NEGR1: variants seen among roughly 807,000 people sequenced by gnomAD.
NEGR1 encodes the protein IgLON family member 4.
A neutral mutation model predicts 40.9 loss-of-function variants in NEGR1; 10 were observed. The observed-to-expected ratio is 0.24, with a 90% CI of 0.15 to 0.42. NEGR1 has a LOEUF of 0.42. NEGR1 is among the 10% of genes least tolerant of loss of function. The probability of loss-of-function intolerance (pLI) is 1.00; values close to 1 mark genes in which losing one functional copy is unlikely to be tolerated. For synonymous variants in NEGR1, 185 were observed against 166.8 expected (o/e 1.11, Z -0.84); for missense variants, 352 against 438.9 (o/e 0.80, Z 1.77).
chr1:71,636,669 A>G (rs904825257), intron 4 of NEGR1, among the ~76,000 whole-genome samples: 1 of 152,120 alleles, frequency 6.6e-6, no homozygotes, highest in African/African-American at 2.4e-5. Context: ...TTTGTATTCA[A>G]TTTTAAGAAA....
intron 6 of NEGR1, among the ~76,000 whole-genome samples, chr1:71,504,324 A>C (rs774449992): frequency 2.0e-5 from 3 of 152,042 alleles, no homozygotes; most frequent in Non-Finnish European, 4.4e-5. Flanking sequence ...AAGCAGAAAC[A>C]AAAAGCAAAA....
intron 6 of NEGR1, among the ~76,000 whole-genome samples, chr1:71,541,591 A>AAGTTTCACTTCATGC (rs1570006591): frequency 6.6e-6 from 1 of 151,926 alleles, no homozygotes; most frequent in East Asian, 2.0e-4. Flanking sequence ...GCATTAAATG[A>AAGTTTCACTTCATGC]AGTTTCACTT....
intron 3 of NEGR1, among the ~76,000 whole-genome samples, chr1:71,733,460 T>A (rs868796845): frequency 8.1e-4 from 123 of 152,350 alleles, no homozygotes; most frequent in African/African-American, 2.9e-3. Context: ...GTTTACTCTG[T>A]TCCAAATATT....
intron 1 of NEGR1, among the ~76,000 whole-genome samples, chr1:71,993,638 A>G (rs1435844451): frequency 6.6e-6 from 1 of 152,208 alleles, no homozygotes; most frequent in Admixed American, 6.5e-5. Flanking sequence ...GATAATAGCT[A>G]TCCAGGAGAT....
At chr1:71,658,603 C>A (rs1243237596) in intron 4 of NEGR1, among the ~76,000 whole-genome samples, 1 of 151,928 alleles carries the variant, frequency 6.6e-6, no homozygotes, top group Admixed American at 6.6e-5. Context: ...CTGGGTGGGA[C>A]ATTTTTAACA....
chr1:72,217,777 G>A lies in NEGR1; in HGVS notation c.176+64542C>T, dbSNP rs539575388. 2.0e-4 allele frequency among the ~76,000 whole-genome samples: 30 copies of A among 151,798 alleles called. 1 individual carries two copies. The East Asian group carries it at 5.4e-3, about 28-fold the overall frequency. On this transcript the variant is annotated intron_variant, in intron 1 of 6. Transcript: ENST00000357731. ...AATGACTTGTGGATAAGATAAAGTAGTTATAAAACTTTTATGATTTGATAA... is the reference window on the plus strand; with the variant it reads ...AATGACTTGTGGATAAGATAAAGTAATTATAAAACTTTTATGATTTGATAA...
intron 6 of NEGR1, among the ~76,000 whole-genome samples, chr1:71,410,035 C>G (rs1646305350): frequency 6.6e-6 from 1 of 152,060 alleles, no homozygotes; most frequent in South Asian, 2.1e-4. Flanking sequence ...TCTTCTTCCA[C>G]TCAGCCTCCT....
chr1:72,124,525 T>C (rs553983735), intron 1 of NEGR1, among the ~76,000 whole-genome samples: 24 of 152,232 alleles, frequency 1.6e-4, no homozygotes, highest in Admixed American at 7.2e-4. Context: ...CGGGACCCCG[T>C]AATTTTAGGC....
At chr1:71,844,503 C>G (rs994055346) in intron 2 of NEGR1, among the ~76,000 whole-genome samples, 1 of 152,122 alleles carries the variant, frequency 6.6e-6, no homozygotes, top group Non-Finnish European at 1.5e-5. Context: ...ACTGGTGATC[C>G]TTCAGGTTTT....
At chr1:72,025,464 T>C (rs1646798957) in intron 1 of NEGR1, among the ~76,000 whole-genome samples, 1 of 152,142 alleles carries the variant, frequency 6.6e-6, no homozygotes, top group African/African-American at 2.4e-5. Context: ...AAATAATTCA[T>C]TGATTCAATA....
intron 4 of NEGR1, among the ~76,000 whole-genome samples, chr1:71,650,576 G>A (rs78718611): frequency 0.026 from 3,920 of 152,200 alleles, 107 homozygotes; most frequent in Admixed American, 0.071. Context: ...TCAAGAAAAG[G>A]CTGTGCAAGT....
intron 2 of NEGR1, 74 bp downstream of exon 2, chr1:71,935,005 G>C: frequency 1.2e-6 from 1 of 833,124 alleles, no homozygotes; most frequent in Non-Finnish European, 2.0e-6. Flanking sequence ...CTGCTTCCTA[G>C]TCATTTTGAT....
chr1:72,219,072 T>C (rs1297254062), intron 1 of NEGR1, among the ~76,000 whole-genome samples: 2 of 152,070 alleles, frequency 1.3e-5, no homozygotes, highest in Non-Finnish European at 2.9e-5. Context: ...ACAGTATCCA[T>C]CATACTGAAC....
At chr1:71,845,408 A>G (rs1053979752) in intron 2 of NEGR1, among the ~76,000 whole-genome samples, 1 of 152,138 alleles carries the variant, frequency 6.6e-6, no homozygotes, top group Non-Finnish European at 1.5e-5. Flanking sequence ...ATGGTAAGAA[A>G]AAAGAAACAA....
At chr1:72,172,797 G>A (rs753220503) in intron 1 of NEGR1, among the ~76,000 whole-genome samples, 5 of 151,982 alleles carry the variant, frequency 3.3e-5, no homozygotes, top group Non-Finnish European at 7.4e-5. Context: ...TCAGCTTTTA[G>A]AGGCTGCCCA....
intron 1 of NEGR1, among the ~76,000 whole-genome samples, chr1:72,174,470 C>T (rs770214113): frequency 6.6e-6 from 1 of 152,110 alleles, no homozygotes; most frequent in Admixed American, 6.5e-5. Flanking sequence ...CTTTAAAATT[C>T]CTCTGTGTGC....
chr1:71,431,566 C>CCATT (rs66558619), intron 6 of NEGR1, among the ~76,000 whole-genome samples: 2,233 of 119,136 alleles, frequency 0.019, 37 homozygotes, highest in South Asian at 0.11. Flanking sequence ...ATCTGTTTAT[C>CCATT]CATTCATTCA....
At chr1:71,921,125 A>G (rs1645713716) in intron 2 of NEGR1, among the ~76,000 whole-genome samples, 1 of 152,170 alleles carries the variant, frequency 6.6e-6, no homozygotes, top group African/African-American at 2.4e-5. Flanking sequence ...ATCCCAATAT[A>G]TGTGTAATTA....
intron 1 of NEGR1, among the ~76,000 whole-genome samples, chr1:72,236,833 G>C (rs1654564071): frequency 6.6e-6 from 1 of 151,912 alleles, no homozygotes; most frequent in Non-Finnish European, 1.5e-5. Context: ...AATCTATAGA[G>C]ATTTCTGTTA....
Sources: allele counts gnomAD v4.1 joint callset (sites outside exome capture counted in the v4.1 genomes callset), GRCh38; gene constraint gnomAD v4.1.1; transcripts MANE v1.5; gene names NCBI Gene and HGNC (gene_info 2026-07-23, HGNC 2026-07-21).